MSN: variants seen among roughly 807,000 people sequenced by gnomAD.
The protein encoded by MSN is moesin.
Under a neutral mutation model 48.0 loss-of-function variants are expected in MSN, and 2 were observed. That is an observed-to-expected ratio of 0.04 (90% confidence interval 0.02 to 0.13). MSN has a LOEUF of 0.13. Ranked by LOEUF, MSN falls within the 10% of genes least tolerant of loss-of-function variation. The pLI is 1.00. For synonymous variants in MSN, 146 were observed against 166.9 expected, an observed-to-expected ratio of 0.87 and a Z score of 0.97; for missense variants, 267 against 470.1, an observed-to-expected ratio of 0.57 and a Z score of 3.99.
chrX:65,610,690 C>T (rs2070313000), intron 1 of MSN, among the ~76,000 whole-genome samples: 1 of 112,153 alleles, frequency 8.9e-6, no homozygotes, highest in Non-Finnish European at 1.9e-5. Flanking sequence ...AACTGCTTCC[C>T]ATAGCATCTG....
rs55900091 is a variant in MSN at position 65,722,404 on chromosome X, C to CGTGTGTGTGTGTGT, written c.97-5385_97-5372dup. ...TCATTCTCCTCTAGGCGTGCACGCT[C>CGTGTGTGTGTGTGT]GTGTGTGTGTGTGTGTGTGTGTGTG... is the stretch of plus-strand genomic sequence containing the variant. On this transcript the variant is annotated intron_variant, in intron 2 of 12. Coordinates refer to ENST00000360270, the MANE Select transcript of MSN (RefSeq NM_002444.3). Among the ~76,000 whole-genome samples, 133 of 94,698 alleles carry CGTGTGTGTGTGTGT rather than the reference C, an allele frequency of 1.4e-3. 4 individuals are homozygous for CGTGTGTGTGTGTGT. The highest frequency in any genetic ancestry group is 5.1e-3 in the African/African-American group (122 of 23,761). The allele number at this position is 94,698 out of a possible 115,157, so 82.2% of individuals were successfully genotyped here. A position where few individuals can be genotyped will look rare whatever the true frequency, so the allele number is the denominator to read the frequency against.
intron 1 of MSN, among the ~76,000 whole-genome samples, chrX:65,618,080 T>A (rs1330005259): frequency 9.0e-6 from 1 of 111,591 alleles, no homozygotes; most frequent in African/African-American, 3.3e-5. Flanking sequence ...GATAGTTTGT[T>A]ATAATTTCTG....
At chrX:65,662,242 C>CAAA (rs2070829316) in intron 1 of MSN, among the ~76,000 whole-genome samples, 1 of 112,578 alleles carries the variant, frequency 8.9e-6, no homozygotes, top group South Asian at 3.6e-4. Context: ...TTATTCCCAT[C>CAAA]AAACTACCAA....
Position 65,716,287 on chromosome X carries a change from T to G in MSN, c.13-531T>G, listed in dbSNP as rs112048550. Among the ~76,000 whole-genome samples, 789 of 111,353 alleles carry G rather than the reference T, an allele frequency of 7.1e-3. 10 individuals are homozygous for G. Among genetic ancestry groups the G allele is most frequent in the African/African-American group, 0.024 (749 of 30,621 alleles). ...GCTGATCTGCATTCTTTTTTAAAAATTTTTTTGAGACAAAGTCTCGCTCTG... is the reference window on the plus strand; with the variant it reads ...GCTGATCTGCATTCTTTTTTAAAAAGTTTTTTGAGACAAAGTCTCGCTCTG... On this transcript the variant is annotated intron_variant, in intron 1 of 12. Transcript: ENST00000360270.
chrX:65,626,010 A>T (rs1244755105), intron 1 of MSN: 2 of 93,567 alleles, frequency 2.1e-5, no homozygotes, highest in South Asian at 5.0e-4. Flanking sequence ...GCTGGAGTGC[A>T]GTGGTGCAAT....
At chrX:65,663,811 C>T (rs1307089426), upstream of MSN, among the ~76,000 whole-genome samples, 1 of 110,680 alleles carries the variant, frequency 9.0e-6, no homozygotes, top group African/African-American at 3.3e-5. Flanking sequence ...ATAATCCCAG[C>T]ACTTTGGGAG....
rs754601355 is a variant in MSN, at chrX:65,729,457, G to A, written c.212G>A (p.Arg71Gln). ...LNKKVTAQDVRKESPLLFKFR... is the reference protein window; with the variant it reads ...LNKKVTAQDVQKESPLLFKFR... ...TCCCAGGTGACTGCCCAGGATGTGC[G>A]GAAGGAAAGCCCCCTGCTCTTTAAG... Residue 71 changes from arginine (R) to glutamine (Q), a missense_variant, in exon 4 of 13, where the codon CGG becomes CAG. Physicochemically the swap from Arg to Gln is conservative, Grantham distance 43 (BLOSUM62 1). This residue lies in a region of MSN where 89 missense variants were observed against 151.0 expected (regional missense o/e 0.59). Coordinates refer to ENST00000360270, the MANE Select transcript of MSN (RefSeq NM_002444.3). 5 of 1,208,555 alleles carry A rather than the reference G, an allele frequency of 4.1e-6. No individual in the cohort carries two copies. Among genetic ancestry groups the A allele is most frequent in the African/African-American group, 3.5e-5 (2 of 56,937 alleles).
chrX:65,621,594 C>G (rs182706929), intron 1 of MSN, among the ~76,000 whole-genome samples: 10 of 110,078 alleles, frequency 9.1e-5, no homozygotes, highest in Admixed American at 1.9e-4. Flanking sequence ...TTCAGGGCCC[C>G]TTGTAGTTTC....
At chrX:65,654,705 T>C (rs1325020936) in intron 1 of MSN, among the ~76,000 whole-genome samples, 4 of 111,578 alleles carry the variant, frequency 3.6e-5, no homozygotes, top group Non-Finnish European at 7.5e-5. Context: ...CATAAAGGCA[T>C]ATACGTATGA....
intron 1 of MSN, chrX:65,716,576 T>G: frequency 2.3e-6 from 1 of 429,852 alleles, no homozygotes; most frequent in Non-Finnish European, 4.3e-6. Flanking sequence ...GCACCCGGCC[T>G]TCATGCTTGT....
upstream of MSN, among the ~76,000 whole-genome samples, chrX:65,667,399 C>T (rs2070882047): frequency 1.8e-5 from 2 of 109,785 alleles, no homozygotes; most frequent in African/African-American, 6.6e-5. Context: ...GGCTGGAAGG[C>T]CAGGACGTGG....
upstream of MSN, among the ~76,000 whole-genome samples, chrX:65,664,690 A>T (rs1294875818): frequency 2.5e-5 from 2 of 81,090 alleles, no homozygotes; most frequent in Admixed American, 1.5e-4. Context: ...CTTTCCCCCT[A>T]TTTCTTAGCT....
rs761826168 is a variant in MSN at position 65,713,818 on chromosome X, A to ATT, written c.13-2998_13-2997dup. Among the ~76,000 whole-genome samples, 287 of 111,462 alleles carry ATT rather than the reference A, an allele frequency of 2.6e-3. 1 individual carries two copies. Among genetic ancestry groups the ATT allele is most frequent in the African/African-American group, 8.6e-3 (263 of 30,680 alleles). On this transcript the variant is annotated intron_variant, in intron 1 of 12. Coordinates refer to ENST00000360270, the MANE Select transcript of MSN (RefSeq NM_002444.3). ...TTCTATGTGTCTGTGTGTTCTCATCATTTAATTCCCACTTATAAGTGAGAA... is the reference window on the plus strand; with the variant it reads ...TTCTATGTGTCTGTGTGTTCTCATCATTTTTAATTCCCACTTATAAGTGAGAA...
intron 1 of MSN, among the ~76,000 whole-genome samples, chrX:65,622,277 T>G (rs61710657): frequency 0.21 from 22,060 of 106,743 alleles, 5,660 homozygotes; most frequent in African/African-American, 0.71. Context: ...GTATTTTTTT[T>G]GGGGTAGATG....
intron 1 of MSN, among the ~76,000 whole-genome samples, chrX:65,610,208 G>A (rs2070309834): frequency 9.0e-6 from 1 of 111,548 alleles, no homozygotes; most frequent in African/African-American, 3.3e-5. Flanking sequence ...TTTCTGAAAC[G>A]TTTTCATCAA....
At chrX:65,616,021 T>C (rs2070368044) in intron 1 of MSN, among the ~76,000 whole-genome samples, 2 of 111,097 alleles carry the variant, frequency 1.8e-5, no homozygotes, top group Admixed American at 1.9e-4. Context: ...GTTGTAGATA[T>C]GCGGCGTTAT....
rs138267135 is a variant in MSN at position 65,675,498 on chromosome X, A to T, written c.12+7645A>T. ...AAGTGAAGGGAGGCTTGAGCTGCTGACTGATTCAAGGGGAGCCACAGATAT... is the reference window on the plus strand; with the variant it reads ...AAGTGAAGGGAGGCTTGAGCTGCTGTCTGATTCAAGGGGAGCCACAGATAT... On this transcript the variant is annotated intron_variant, in intron 1 of 12. Coordinates refer to ENST00000360270, the MANE Select transcript of MSN (RefSeq NM_002444.3). 7.9e-3 allele frequency among the ~76,000 whole-genome samples: 875 copies of T among 110,894 alleles called. 10 individuals are homozygous for T. Among genetic ancestry groups the T allele is most frequent in the African/African-American group, 0.027 (804 of 30,299 alleles).
chrX:65,619,655 G>T (rs1446941201), intron 1 of MSN, among the ~76,000 whole-genome samples: 1 of 105,877 alleles, frequency 9.4e-6, no homozygotes, highest in Non-Finnish European at 1.9e-5. Flanking sequence ...TGGTTTGAAT[G>T]TCCTCCCGTA....
chrX:65,690,756 G>A (rs1381404936), intron 1 of MSN, among the ~76,000 whole-genome samples: 2 of 111,475 alleles, frequency 1.8e-5, no homozygotes, highest in African/African-American at 6.5e-5. Flanking sequence ...TCAGCTGGAT[G>A]GCCTTTACGC....
Sources: gnomAD v4.1 joint callset for allele counts (sites outside exome capture counted in the v4.1 genomes callset) on GRCh38, gnomAD v4.1.1 for gene constraint, gnomAD v4.1.1 regional missense constraint, MANE v1.5 for transcripts, NCBI Gene and HGNC (gene_info 2026-07-23, HGNC 2026-07-21) for gene names.